Variants in ADCY8 observed in about 807,000 individuals in gnomAD.
ADCY8 encodes adenylate cyclase 8, also known as adenylate cyclase type 8.
Under a neutral mutation model 119.7 loss-of-function variants are expected in ADCY8, and 51 were observed. That is an observed-to-expected ratio of 0.43 (90% CI 0.34 to 0.54). The LOEUF (loss-of-function observed/expected upper bound fraction) is 0.54. Ranked by LOEUF, ADCY8 falls within the 20% of genes least tolerant of loss-of-function variation. ADCY8 has a pLI of 0.03. For synonymous variants in ADCY8, 665 were observed against 651.0 expected (o/e 1.02, Z -0.33); for missense variants, 1,383 against 1,598.8 (o/e 0.87, Z 2.30).
chr8:130,880,270 C>T (rs1052821291), intron 8 of ADCY8, among the ~76,000 whole-genome samples: 14 of 152,152 alleles, frequency 9.2e-5, no homozygotes, highest in Non-Finnish European at 1.2e-4. Context: ...ACCAGAATGA[C>T]AGATGCCAGA....
At chr8:130,999,459 C>T (rs1314968075) in intron 1 of ADCY8, among the ~76,000 whole-genome samples, 1 of 152,052 alleles carries the variant, frequency 6.6e-6, no homozygotes, top group South Asian at 2.1e-4. Context: ...CCAGCTTCCC[C>T]ATTGATATAG....
At chr8:130,826,425 G>GA (rs1228747755) in intron 12 of ADCY8, among the ~76,000 whole-genome samples, 6 of 152,102 alleles carry the variant, frequency 3.9e-5, no homozygotes, top group South Asian at 2.1e-4. Flanking sequence ...TTTTAGGTCA[G>GA]AAAAAATCTT....
intron 1 of ADCY8, among the ~76,000 whole-genome samples, chr8:131,033,921 T>C (rs574783171): frequency 6.6e-6 from 1 of 152,112 alleles, no homozygotes; most frequent in East Asian, 1.9e-4. Flanking sequence ...AGGTTGACAC[T>C]CAAATCGGCT....
intron 11 of ADCY8, among the ~76,000 whole-genome samples, chr8:130,843,219 A>G (rs575529539): frequency 6.6e-6 from 1 of 152,320 alleles, no homozygotes; most frequent in South Asian, 2.1e-4. Flanking sequence ...GAATACTCTA[A>G]CCTACTACCC....
chr8:130,908,892 A>C lies in ADCY8; in HGVS notation c.1640+816T>G, dbSNP rs148754748. On this transcript the variant is annotated intron_variant, in intron 6 of 17. Transcript: ENST00000286355. Reference sequence around the variant, plus strand: ...CCATGATAACATATTACTTGATATTAAACATAGTTTGCAAGGAGTGATGGC... The same window carrying C: ...CCATGATAACATATTACTTGATATTCAACATAGTTTGCAAGGAGTGATGGC... Among the ~76,000 whole-genome samples, 4 of 152,264 alleles carry C rather than the reference A, an allele frequency of 2.6e-5. No homozygotes were observed. The East Asian group carries it at 7.7e-4, about 29-fold the overall frequency.
chr8:130,864,735 T>C (rs1818055279), intron 9 of ADCY8, among the ~76,000 whole-genome samples: 1 of 152,176 alleles, frequency 6.6e-6, no homozygotes, highest in Non-Finnish European at 1.5e-5. Context: ...AGAGTTTCCA[T>C]CTCTCTGTTT....
chr8:130,935,434 T>C (rs1352084831), intron 5 of ADCY8: 2 of 152,240 alleles, frequency 1.3e-5, no homozygotes, highest in East Asian at 1.9e-4. Context: ...AATAAAAATA[T>C]GATGCTACCC....
intron 2 of ADCY8, among the ~76,000 whole-genome samples, chr8:130,971,649 C>T (rs1335561984): frequency 6.6e-6 from 1 of 152,136 alleles, no homozygotes; most frequent in African/African-American, 2.4e-5. Context: ...AGGTTAAAGA[C>T]AGTGCAAGCC....
chr8:130,903,610 A>G (rs187342066), intron 7 of ADCY8, among the ~76,000 whole-genome samples, 162 bp downstream of exon 7: 5 of 151,618 alleles, frequency 3.3e-5, no homozygotes, highest in Non-Finnish European at 7.4e-5. Flanking sequence ...ATACGAGGTT[A>G]ATTCTGTCCT....
chr8:130,820,730 G>A (rs893235196), intron 13 of ADCY8, among the ~76,000 whole-genome samples: 2 of 152,136 alleles, frequency 1.3e-5, no homozygotes, highest in Admixed American at 6.5e-5. Flanking sequence ...AAAGAGTAGG[G>A]GCTCATGGAA....
Position 130,909,708 on chromosome 8 carries a change from C to A in ADCY8, c.1640G>T (p.Gly547Val), listed in dbSNP as rs1202147759. 1.2e-6 allele frequency: 2 copies of A among 1,613,936 alleles called. No individual in the cohort carries two copies. Among genetic ancestry groups the A allele is most frequent in the Non-Finnish European group, 1.7e-6 (2 of 1,179,980 alleles). The change falls in exon 6 of 18, where the codon GGG becomes GTG. Residue 547 changes from glycine to valine, a missense_variant and splice_region_variant. Transcript: ENST00000286355. ...TGAAAAGGGCTTTGCTTTATCTTAC[C>A]CAGGGATTCCTCCAGATTCGAGTTT... ...ANKLESGGIP[G>V]RIHISKATLD... is the part of the protein sequence containing the mutation.
chr8:130,857,158 G>A lies in ADCY8; in HGVS notation c.2211-7355C>T, dbSNP rs1817767145. Among the ~76,000 whole-genome samples, 6 of 151,042 alleles carry A rather than the reference G, an allele frequency of 4.0e-5. No individual in the cohort carries two copies. The South Asian group carries it at 1.3e-3, about 32-fold the overall frequency. On this transcript the variant is annotated intron_variant, in intron 9 of 17. Transcript: ENST00000286355. ...CTAATGCTAAATGACGAGTTAATGG[G>A]TGCAGCACACCAGCATGGCACATGT... is the stretch of plus-strand genomic sequence containing the variant.
At position 130,849,850 on chromosome 8, in the gene ADCY8, G is replaced by A. The variant is rs773643819; in HGVS notation, c.2211-47C>T. The stretch of plus-strand genomic sequence containing the variant: ...TGGGTCATTGGCATCAATTGTCTGA[G>A]CAACACTGAAATTCTATTCCTGGTC... On this transcript the variant is annotated intron_variant, in intron 9 of 17. Coordinates refer to ENST00000286355, the MANE Select transcript of ADCY8 (RefSeq NM_001115.3). 4 of 1,536,314 alleles carry A rather than the reference G, an allele frequency of 2.6e-6. No homozygotes were observed. In the Admixed American group the frequency reaches 5.4e-5, roughly 21 times the overall value.
At chr8:130,985,422 T>C (rs1354764448) in intron 2 of ADCY8, among the ~76,000 whole-genome samples, 1 of 152,132 alleles carries the variant, frequency 6.6e-6, no homozygotes, top group Non-Finnish European at 1.5e-5. Context: ...TATTTCAGTA[T>C]AAACTAAAGA....
At chr8:130,846,855 C>T (rs72712471) in intron 11 of ADCY8, among the ~76,000 whole-genome samples, 5,002 of 29,244 alleles carry the variant, frequency 0.17, 843 homozygotes, top group African/African-American at 0.28. Flanking sequence ...CTTCCTTCCT[C>T]CCCTCCCCTC....
intron 1 of ADCY8, among the ~76,000 whole-genome samples, chr8:131,004,528 GC>G (rs1823055052): frequency 6.6e-6 from 1 of 152,060 alleles, no homozygotes; most frequent in Admixed American, 6.6e-5. Flanking sequence ...ATCTACTATT[GC>G]CCTTAAATGT....
intron 2 of ADCY8, among the ~76,000 whole-genome samples, chr8:130,978,220 G>T (rs1304903303): frequency 6.6e-6 from 1 of 152,182 alleles, no homozygotes; most frequent in Non-Finnish European, 1.5e-5. Context: ...AATGCTTTGA[G>T]CTGTTGGGGA....
intron 1 of ADCY8, among the ~76,000 whole-genome samples, chr8:130,992,416 TA>T (rs1563759123): frequency 4.7e-5 from 6 of 127,544 alleles, no homozygotes; most frequent in African/African-American, 2.0e-4. Context: ...TATATATATA[TA>T]TATATATATA....
At chr8:130,832,492 G>A (rs759039799) in intron 12 of ADCY8, among the ~76,000 whole-genome samples, 2 of 152,152 alleles carry the variant, frequency 1.3e-5, no homozygotes, top group Admixed American at 6.5e-5. Flanking sequence ...AGTAGCCTAC[G>A]ACTGCCAATT....
Sources: gnomAD v4.1 joint callset for allele counts (sites outside exome capture counted in the v4.1 genomes callset) on GRCh38, gnomAD v4.1.1 for gene constraint, MANE v1.5 for transcripts, NCBI Gene and HGNC (gene_info 2026-07-23, HGNC 2026-07-21) for gene names.